CAPZB: variants seen among roughly 807,000 people sequenced by gnomAD.
CAPZB encodes the protein F-actin-capping protein subunit beta.
In CAPZB, 2 loss-of-function variants were observed where a neutral mutation model predicts 38.1. The observed-to-expected ratio is 0.05, with a 90% confidence interval of 0.02 to 0.17. The LOEUF is 0.17. Among genes scored for constraint, CAPZB ranks in the 10% least tolerant of loss-of-function variants. The pLI, the probability that CAPZB is intolerant of heterozygous loss-of-function variation, is 1.00. For missense variants in CAPZB, 161 were observed against 334.2 expected, an observed-to-expected ratio of 0.48 and a Z score of 4.04; for synonymous variants, 107 against 127.4, an observed-to-expected ratio of 0.84 and a Z score of 1.08.
intron 1 of CAPZB, among the ~76,000 whole-genome samples, chr1:19,478,580 A>G (rs2094615466): frequency 1.3e-5 from 2 of 152,198 alleles, no homozygotes; most frequent in African/African-American, 4.8e-5. Flanking sequence ...AAGCACGGAA[A>G]AACGCAGGCA....
intron 1 of CAPZB, among the ~76,000 whole-genome samples, chr1:19,438,963 G>A (rs1217227757): frequency 6.6e-6 from 1 of 152,244 alleles, no homozygotes; most frequent in African/African-American, 2.4e-5. Context: ...GCAAGGGAAA[G>A]GGATAGGAAT....
intron 8 of CAPZB, chr1:19,342,669 G>T: frequency 1.2e-6 from 1 of 840,098 alleles, no homozygotes; most frequent in Non-Finnish European, 2.0e-6. Flanking sequence ...TGGCCGCGGA[G>T]CAGCAGCCGG....
At chr1:19,387,065 T>C (rs989711369) in intron 2 of CAPZB, among the ~76,000 whole-genome samples, 4 of 117,192 alleles carry the variant, frequency 3.4e-5, no homozygotes, top group Non-Finnish European at 7.2e-5. Context: ...GTGCCTGCCA[T>C]GCACCACGCA....
At chr1:19,464,084 G>A (rs996949141) in intron 1 of CAPZB, among the ~76,000 whole-genome samples, 1 of 151,210 alleles carries the variant, frequency 6.6e-6, no homozygotes, top group Non-Finnish European at 1.5e-5. Context: ...CTACTCAGGA[G>A]GCTGAGGCAG....
intron 1 of CAPZB, among the ~76,000 whole-genome samples, chr1:19,450,656 AC>A (rs34640740): frequency 0.63 from 95,367 of 152,004 alleles, 29,983 homozygotes; most frequent in East Asian, 0.67. Flanking sequence ...GGTTCCAGAG[AC>A]CCAGGTGAAT....
At chr1:19,396,723 T>C (rs976694797) in intron 2 of CAPZB, among the ~76,000 whole-genome samples, 8 of 151,388 alleles carry the variant, frequency 5.3e-5, no homozygotes, top group Non-Finnish European at 1.0e-4. Context: ...GGAGGATCAC[T>C]TGAGGCCAGG....
intron 1 of CAPZB, among the ~76,000 whole-genome samples, chr1:19,465,806 T>C (rs921427125): frequency 8.5e-5 from 13 of 152,214 alleles, no homozygotes; most frequent in African/African-American, 3.1e-4. Flanking sequence ...TACCATTTAT[T>C]GGGCACTTAC....
In CAPZB at chr1:19,352,981, C is replaced by T. The variant is rs796609855; in HGVS notation, c.588+3654G>A. 4.3e-4 allele frequency among the ~76,000 whole-genome samples: 66 copies of T among 152,348 alleles called. 3 individuals carry two copies. Among genetic ancestry groups the T allele is most frequent in the African/African-American group, 1.5e-3 (64 of 41,580 alleles). ...TGGGCACAGGGCATAGCCTGATGTG[C>T]CCACGGAAGGGACCCCTGCGAGGTG... On this transcript the variant is annotated intron_variant, in intron 6 of 8. Transcript: ENST00000264202.
chr1:19,423,865 TG>T (rs1276652972), intron 1 of CAPZB, among the ~76,000 whole-genome samples: 1 of 152,128 alleles, frequency 6.6e-6, no homozygotes, highest in Non-Finnish European at 1.5e-5. Flanking sequence ...TTGGTAGAGA[TG>T]GGGTTTCACC....
At chr1:19,435,657 G>A (rs1385661742) in intron 1 of CAPZB, among the ~76,000 whole-genome samples, 2 of 152,194 alleles carry the variant, frequency 1.3e-5, no homozygotes, top group Non-Finnish European at 2.9e-5. Flanking sequence ...GAACCAAGGA[G>A]TTAAGTGCCA....
chr1:19,352,281 G>A (rs1364533556), intron 6 of CAPZB, among the ~76,000 whole-genome samples: 14 of 152,190 alleles, frequency 9.2e-5, no homozygotes. Flanking sequence ...ATATATTGGG[G>A]GTGTCTCTGC....
At chr1:19,484,558 T>C in intron 1 of CAPZB, 1 of 1,266,360 alleles carries the variant, frequency 7.9e-7, no homozygotes, top group Non-Finnish European at 1.0e-6. Flanking sequence ...GCGGCCTCCC[T>C]AGAAGCGGCA....
intron 4 of CAPZB, among the ~76,000 whole-genome samples, chr1:19,364,669 A>C (rs2094073150): frequency 6.6e-6 from 1 of 152,164 alleles, no homozygotes; most frequent in Non-Finnish European, 1.5e-5. Flanking sequence ...AAGAACAGAA[A>C]ACAATGCCCC....
chr1:19,409,372 G>A (rs1229391572), intron 2 of CAPZB, among the ~76,000 whole-genome samples: 1 of 152,034 alleles, frequency 6.6e-6, no homozygotes, highest in Non-Finnish European at 1.5e-5. Flanking sequence ...CCACCAAGCA[G>A]AAGGAACAGT....
chr1:19,471,227 T>C (rs1301296883), intron 1 of CAPZB, among the ~76,000 whole-genome samples: 1 of 152,160 alleles, frequency 6.6e-6, no homozygotes, highest in Non-Finnish European at 1.5e-5. Context: ...GTGACTGAAA[T>C]TGCAGAAATC....
At chr1:19,478,447 G>C (rs115465327) in intron 1 of CAPZB, among the ~76,000 whole-genome samples, 1 of 152,254 alleles carries the variant, frequency 6.6e-6, no homozygotes, top group African/African-American at 2.4e-5. Flanking sequence ...CAACCACCAG[G>C]GTTGTTGCCT....
rs2093911056 is a variant in CAPZB at position 19,338,875 on chromosome 1, AAAAACAAAAT to A, written c.*645_*654del. 1 of 152,534 alleles carries A rather than the reference AAAAACAAAAT, an allele frequency of 6.6e-6. No homozygotes were observed. Among genetic ancestry groups the A allele is most frequent in the Non-Finnish European group, 1.5e-5 (1 of 68,056 alleles). The allele number at this position is 152,534 out of a possible 1,614,324, so 9.4% of individuals were successfully genotyped here. On this transcript the variant is annotated 3_prime_UTR_variant, in exon 9 of 9. Coordinates refer to ENST00000264202, the MANE Select transcript of CAPZB (RefSeq NM_004930.5). ...TAGATTTTTTTCTTAAGCTTTACAAAAAAACAAAATAAAACAAAAACCTCCTTTTGCATTC... is the reference window on the plus strand; with the variant it reads ...TAGATTTTTTTCTTAAGCTTTACAAAAAAACAAAAACCTCCTTTTGCATTC...
At chr1:19,483,119 A>G (rs2094636244) in intron 1 of CAPZB, among the ~76,000 whole-genome samples, 1 of 152,218 alleles carries the variant, frequency 6.6e-6, no homozygotes, top group South Asian at 2.1e-4. Flanking sequence ...ATTCTGGCCC[A>G]TGCTAAATAT....
intron 1 of CAPZB, among the ~76,000 whole-genome samples, chr1:19,473,106 G>T (rs1430892820): frequency 6.6e-6 from 1 of 152,104 alleles, no homozygotes; most frequent in African/African-American, 2.4e-5. Context: ...AGCTGCAGAA[G>T]TTTAAAAAAC....
Sources: gnomAD v4.1 joint callset for allele counts (sites outside exome capture counted in the v4.1 genomes callset) on GRCh38, gnomAD v4.1.1 for gene constraint, MANE v1.5 for transcripts, NCBI Gene and HGNC (gene_info 2026-07-23, HGNC 2026-07-21) for gene names.